The following SNAP91 variants were observed in gnomAD, a reference collection of about 807,000 sequenced individuals.
The protein encoded by SNAP91 is synaptosome associated protein 91, also known as clathrin coat assembly protein AP180.
SNAP91 carries 27 observed loss-of-function variants against 100.3 expected under a neutral mutation model. That is an observed-to-expected ratio of 0.27 (90% CI 0.20 to 0.37). The LOEUF (loss-of-function observed/expected upper bound fraction) is 0.37, where lower values mean the gene tolerates loss of function less well. Among genes scored for constraint, SNAP91 ranks in the 10% least tolerant of loss-of-function variants. SNAP91 has a pLI of 1.00. For synonymous variants in SNAP91, 404 were observed against 398.6 expected (o/e 1.01, Z -0.16); for missense variants, 986 against 1,123.7 (o/e 0.88, Z 1.75).
At chr6:83,618,538 T>C (rs951320303) in intron 9 of SNAP91, among the ~76,000 whole-genome samples, 2 of 151,938 alleles carry the variant, frequency 1.3e-5, no homozygotes, top group Non-Finnish European at 2.9e-5. Context: ...ACAGAAAATT[T>C]TGTTATAGAT....
At chr6:83,617,580 T>C (rs1358958749) in intron 9 of SNAP91, among the ~76,000 whole-genome samples, 1 of 151,532 alleles carries the variant, frequency 6.6e-6, no homozygotes, top group African/African-American at 2.4e-5. Context: ...TAAGATTTTA[T>C]TATTGACCTA....
rs74709035 is a variant in SNAP91 at position 83,663,479 on chromosome 6, T to C, written c.274-1057A>G. Among the ~76,000 whole-genome samples the C allele has an allele frequency of 3.1e-3, 473 of 152,286 alleles. 3 individuals are homozygous for C. Among genetic ancestry groups the C allele is most frequent in the African/African-American group, 0.01 (424 of 41,568 alleles). On this transcript the variant is annotated intron_variant, in intron 3 of 29. Transcript: ENST00000369694. ...AAGTGAAATAGCTTTCTTGCTGATA[T>C]GGAGAATGTTTGAGTGGTCTGGATA...
At chr6:83,665,401 C>T in intron 3 of SNAP91, 38 bp downstream of exon 3, 1 of 1,594,740 alleles carries the variant, frequency 6.3e-7, no homozygotes, top group Non-Finnish European at 8.5e-7. Context: ...TAAAAGCCTC[C>T]TTCCTCCATC....
chr6:83,610,603 G>T, intron 12 of SNAP91, 47 bp downstream of exon 12: 2 of 574,022 alleles, frequency 3.5e-6, no homozygotes, highest in South Asian at 4.9e-5. Flanking sequence ...ATGGTAAAAT[G>T]GTAAAAAACA....
intron 14 of SNAP91, among the ~76,000 whole-genome samples, chr6:83,602,146 C>T (rs1029447364): frequency 6.6e-6 from 1 of 152,024 alleles, no homozygotes; most frequent in African/African-American, 2.4e-5. Flanking sequence ...TATTAGGGAG[C>T]CAAAGATGAG....
At chr6:83,559,598 T>C (rs798395) in intron 28 of SNAP91, among the ~76,000 whole-genome samples, 117,394 of 152,102 alleles carry the variant, frequency 0.77, 45,699 homozygotes, top group East Asian at 0.88. Context: ...CCAGCTAGTC[T>C]GAAGTGGGGG....
intron 2 of SNAP91, among the ~76,000 whole-genome samples, chr6:83,685,924 T>C (rs973518816): frequency 6.6e-6 from 1 of 152,180 alleles, no homozygotes; most frequent in African/African-American, 2.4e-5. Flanking sequence ...TCTTTTTTTT[T>C]CACCTTTAAC....
intron 3 of SNAP91, among the ~76,000 whole-genome samples, chr6:83,665,113 C>T (rs1252460221): frequency 1.3e-5 from 2 of 152,104 alleles, no homozygotes; most frequent in South Asian, 2.1e-4. Flanking sequence ...GTAAATGTAA[C>T]TTTTACATGC....
intron 14 of SNAP91, among the ~76,000 whole-genome samples, chr6:83,602,197 C>A (rs2095298407): frequency 6.6e-6 from 1 of 152,100 alleles, no homozygotes; most frequent in Non-Finnish European, 1.5e-5. Context: ...CGATTGGGTT[C>A]ATCACCAGCC....
intron 26 of SNAP91, among the ~76,000 whole-genome samples, chr6:83,562,419 G>GA (rs1455002537): frequency 6.6e-6 from 1 of 151,942 alleles, no homozygotes; most frequent in South Asian, 2.1e-4. Flanking sequence ...TAGAATAAAA[G>GA]AAAAAAATTA....
chr6:83,576,530 A>C (rs532420922), intron 24 of SNAP91, among the ~76,000 whole-genome samples: 1 of 152,332 alleles, frequency 6.6e-6, no homozygotes, highest in African/African-American at 2.4e-5. Flanking sequence ...CTGCCCAATA[A>C]ATACTCTGGG....
intron 7 of SNAP91, among the ~76,000 whole-genome samples, chr6:83,643,155 T>C (rs2097779099): frequency 6.6e-6 from 1 of 152,180 alleles, no homozygotes; most frequent in Non-Finnish European, 1.5e-5. Flanking sequence ...TTCACTCTGA[T>C]GGTAGTTTCT....
chr6:83,601,488 A>G, intron 15 of SNAP91, 50 bp from the exon 16 acceptor site: 2 of 1,612,516 alleles, frequency 1.2e-6, no homozygotes, highest in Middle Eastern at 3.3e-4. Flanking sequence ...AAAGCAAAGG[A>G]CAAAAGATAT....
chr6:83,637,649 C>T (rs1163098230), intron 8 of SNAP91, among the ~76,000 whole-genome samples: 1 of 152,132 alleles, frequency 6.6e-6, no homozygotes, highest in South Asian at 2.1e-4. Flanking sequence ...TGCAGGGCTC[C>T]CTGGGAAAGA....
At chr6:83,682,172 C>CT (rs59549595) in intron 2 of SNAP91, among the ~76,000 whole-genome samples, 23,141 of 123,400 alleles carry the variant, frequency 0.19, 2,726 homozygotes, top group South Asian at 0.29. Context: ...TTCTTTAATT[C>CT]TTTTTTTTTT....
At chr6:83,655,793 G>A (rs1226713828) in intron 7 of SNAP91, among the ~76,000 whole-genome samples, 1 of 152,132 alleles carries the variant, frequency 6.6e-6, no homozygotes, top group Non-Finnish European at 1.5e-5. Flanking sequence ...TGAACAGATG[G>A]TTCATATTCC....
In SNAP91 at chr6:83,667,899, C is replaced by T. The variant is rs1215929065; in HGVS notation, c.131-2318G>A. 7.9e-5 allele frequency among the ~76,000 whole-genome samples: 12 copies of T among 152,252 alleles called. No individual in the cohort carries two copies. The South Asian group carries it at 8.3e-4, about 11-fold the overall frequency. On this transcript the variant is annotated intron_variant, in intron 2 of 29. Coordinates refer to ENST00000369694, the MANE Select transcript of SNAP91 (RefSeq NM_001242792.2). ...ACCATCAGAGTGGACAGGCAACCTA[C>T]AGAATGGGAGAAAATTTTTGCAATC...
At chr6:83,595,634 A>T (rs2094383652) in intron 16 of SNAP91, among the ~76,000 whole-genome samples, 1 of 152,174 alleles carries the variant, frequency 6.6e-6, no homozygotes, top group Non-Finnish European at 1.5e-5. Context: ...CCTGTCACTT[A>T]CCTGCTAGAC....
chr6:83,643,954 G>C (rs535405176), intron 7 of SNAP91, among the ~76,000 whole-genome samples: 4 of 152,168 alleles, frequency 2.6e-5, no homozygotes, highest in African/African-American at 9.6e-5. Flanking sequence ...ATAAACTCAC[G>C]GTGCTATAAG....
Sources: gnomAD v4.1 joint callset for allele counts (sites outside exome capture counted in the v4.1 genomes callset) on GRCh38, gnomAD v4.1.1 for gene constraint, MANE v1.5 for transcripts, NCBI Gene and HGNC (gene_info 2026-07-23, HGNC 2026-07-21) for gene names.